The following HTR3D variants were observed in gnomAD, a reference collection of about 807,000 sequenced individuals.
The protein encoded by HTR3D is 5-hydroxytryptamine receptor 3D.
Under a neutral mutation model 45.8 loss-of-function variants are expected in HTR3D, and 47 were observed. That is an observed-to-expected ratio of 1.03 (90% CI 0.81 to 1.31). The LOEUF (loss-of-function observed/expected upper bound fraction) is 1.31, where lower values mean the gene tolerates loss of function less well. Among genes scored for constraint, HTR3D ranks in the 50% most tolerant of loss-of-function variants. The pLI, the probability that HTR3D is intolerant of heterozygous loss-of-function variation, is 0.00. For synonymous variants in HTR3D, 203 were observed against 199.8 expected, an observed-to-expected ratio of 1.02 and a Z score of -0.13; for missense variants, 448 against 506.9, an observed-to-expected ratio of 0.88 and a Z score of 1.12.
At position 184,038,080 on chromosome 3, in the gene HTR3D, T is replaced by C; in HGVS notation, c.576T>C (p.Ser192=). The change falls in exon 6 of 8, where the codon AGT becomes AGC. Residue 192 remains serine (S), a synonymous_variant. Coordinates refer to ENST00000428798, the MANE Select transcript of HTR3D (RefSeq NM_001145143.1). The surrounding 1 kb of genome is among the most constrained non-coding windows in gnomAD (Gnocchi z 4.5). ...SPYVVNFLVP[S]GILIAIDALS... ...ACGTGGTAAACTTTCTGGTGCCCAGTGGCATTCTGATTGCCATCGATGCCC... is the reference window on the plus strand; with the variant it reads ...ACGTGGTAAACTTTCTGGTGCCCAGCGGCATTCTGATTGCCATCGATGCCC... The C allele has an allele frequency of 1.2e-6, 2 of 1,614,142 alleles. No individual in the cohort carries two copies. Among genetic ancestry groups the C allele is most frequent in the African/African-American group, 2.7e-5 (2 of 75,026 alleles).
intron 4 of HTR3D, 46 bp from the exon 5 acceptor site, chr3:184,036,701 TG>T (rs1450271479): frequency 1.9e-6 from 3 of 1,554,036 alleles, no homozygotes; most frequent in Non-Finnish European, 1.7e-6. Flanking sequence ...TGGGCGCATT[TG>T]GGGAGGCTGA....
chr3:184,031,884 T>C, intron 1 of HTR3D, 77 bp downstream of exon 1: 3 of 1,013,000 alleles, frequency 3.0e-6, no homozygotes, highest in Non-Finnish European at 4.6e-6. Context: ...ATATTTTTTA[T>C]TCTGAGATAG....
chr3:184,037,039 T>C, intron 5 of HTR3D, 143 bp downstream of exon 5: 1 of 610,066 alleles, frequency 1.6e-6, no homozygotes, highest in Non-Finnish European at 2.6e-6. Context: ...TTGTCACTCT[T>C]TTTTTTTTTT....
intron 5 of HTR3D, 75 bp from the exon 6 acceptor site, chr3:184,037,946 C>T (rs1722954536): frequency 6.4e-7 from 1 of 1,553,658 alleles, no homozygotes; most frequent in South Asian, 1.2e-5. Context: ...GGGACAAATC[C>T]CAGTTCTTAC....
rs926622209 is a variant in HTR3D at position 184,032,917 on chromosome 3, C to A, written c.66+1110C>A. 1.9e-5 allele frequency: 29 copies of A among 1,552,508 alleles called. No homozygotes were observed. The African/African-American group carries it at 3.7e-4, about 20-fold the overall frequency. Reference sequence around the variant, plus strand: ...CAGGAAATGGCGACACTTTGATTATCAATTGCCCAGGCTTTGGCCAGCACA... The same window carrying A: ...CAGGAAATGGCGACACTTTGATTATAAATTGCCCAGGCTTTGGCCAGCACA... On this transcript the variant is annotated intron_variant, in intron 1 of 7. Transcript: ENST00000428798.
intron 1 of HTR3D, among the ~76,000 whole-genome samples, chr3:184,033,919 A>AAAAAC (rs547802836): frequency 1.5e-3 from 231 of 152,346 alleles, no homozygotes; most frequent in African/African-American, 5.2e-3. Flanking sequence ...TCTGTCTCAA[A>AAAAAC]AAAACAAAAC....
At position 184,036,489 on chromosome 3, in the gene HTR3D, C is replaced by CCCTGT; in HGVS notation, c.315_316insGTCCT (p.Ser106ValfsTer19). 1 of 1,614,220 alleles carries CCCTGT rather than the reference C, an allele frequency of 6.2e-7. No homozygotes were observed. Among genetic ancestry groups the CCCTGT allele is most frequent in the East Asian group, 2.2e-5 (1 of 44,888 alleles). On this transcript the variant is annotated frameshift_variant, in exon 4 of 8. Transcript: ENST00000428798. LOFTEE classifies it high-confidence loss of function. The stretch of plus-strand genomic sequence containing the variant: ...CTGCAAACTGGACACCTTCTATTTC[C>CCCTGT]CCTTCCATGGACAGAGGTGAACGCT...
At chr3:184,036,150 G>C (rs1722881882) in intron 3 of HTR3D, 50 bp downstream of exon 3, 2 of 1,527,486 alleles carry the variant, frequency 1.3e-6, no homozygotes. Context: ...TACAGGGAAG[G>C]ACACAATGTT....
Position 184,031,800 on chromosome 3 carries a change from T to A in HTR3D, c.59T>A (p.Leu20Gln). The change falls in exon 1 of 8, where the codon CTG becomes CAG. Residue 20 changes from leucine to glutamine, a missense_variant. Coordinates refer to ENST00000428798, the MANE Select transcript of HTR3D (RefSeq NM_001145143.1). ...CTCCTTGGCTTCATCCTCCACCTGC[T>A]GCTGCAAGTACCTTAAGATAAGAGC... Reference protein sequence around the residue: ...GFLLGFILHLLLQDSHLQLVT... With the variant: ...GFLLGFILHLQLQDSHLQLVT... 1 of 1,550,912 alleles carries A rather than the reference T, an allele frequency of 6.4e-7. No homozygotes were observed. The highest frequency in any genetic ancestry group is 8.7e-7 in the Non-Finnish European group (1 of 1,146,356).
chr3:184,035,497 T>G (rs1722859990), intron 2 of HTR3D, among the ~76,000 whole-genome samples: 1 of 152,136 alleles, frequency 6.6e-6, no homozygotes, highest in South Asian at 2.1e-4. Context: ...AAGCTCAAGC[T>G]CAAGCTCTGT....
chr3:184,036,277 G>C, intron 3 of HTR3D, 98 bp from the exon 4 acceptor site: 1 of 1,523,850 alleles, frequency 6.6e-7, no homozygotes, highest in South Asian at 1.3e-5. Context: ...AGTGGGGCTG[G>C]AGCTCGAGAA....
In HTR3D at chr3:184,037,549, G is replaced by A. The variant is rs573894762; in HGVS notation, c.517-472G>A. Among the ~76,000 whole-genome samples the A allele has an allele frequency of 3.9e-5, 6 of 152,298 alleles. No individual in the cohort carries two copies. In the South Asian group the frequency reaches 1.2e-3, roughly 32 times the overall value. On this transcript the variant is annotated intron_variant, in intron 5 of 7. Coordinates refer to ENST00000428798, the MANE Select transcript of HTR3D (RefSeq NM_001145143.1). ...TATTTTTAAAAAGATATGGTAGAAA[G>A]AGTTAGGAAACACTGCCTTAGGGAT...
At position 184,038,311 on chromosome 3, in the gene HTR3D, G is replaced by A; in HGVS notation, c.769+38G>A. On this transcript the variant is annotated intron_variant, in intron 6 of 7. Coordinates refer to ENST00000428798, the MANE Select transcript of HTR3D (RefSeq NM_001145143.1). This position sits in a 1 kb window ranked among gnomAD's most constrained non-coding sequence, Gnocchi z 4.5. ...TGGGGAGAGGGATGGGCAGAACCAG[G>A]CGAAGTGAAAAGGGATCCTGGAAAA... 6.2e-7 allele frequency: 1 copy of A among 1,612,484 alleles called. No individual in the cohort carries two copies. The highest frequency in any genetic ancestry group is 8.5e-7 in the Non-Finnish European group (1 of 1,178,672).
chr3:184,036,069 C>A lies in HTR3D; in HGVS notation c.166C>A (p.Leu56Ile). 1.3e-6 allele frequency: 2 copies of A among 1,551,588 alleles called. No individual in the cohort carries two copies. The highest frequency in any genetic ancestry group is 1.7e-6 in the Non-Finnish European group (2 of 1,146,966). ...GAAGTCCGGCATGGCAACTGAGAAC[C>A]TATGGCTTTCAGATGTCTTCATCGA... The part of the protein sequence containing the change: ...IKKSGMATEN[L>I]WLSDVFIEES... Residue 56 changes from leucine (L) to isoleucine (I), a missense_variant, in exon 3 of 8, where the codon CTA (leucine) becomes ATA (isoleucine). Transcript: ENST00000428798.
At chr3:184,033,754 T>C (rs531472017) in intron 1 of HTR3D, among the ~76,000 whole-genome samples, 1 of 152,008 alleles carries the variant, frequency 6.6e-6, no homozygotes, top group South Asian at 2.1e-4. Flanking sequence ...CCATCTCTAC[T>C]AAAAATACAA....
In HTR3D at chr3:184,038,012, C is replaced by T. The variant is rs1161764626; in HGVS notation, c.517-9C>T. The T allele has an allele frequency of 1.2e-6, 2 of 1,612,530 alleles. No homozygotes were observed. The highest frequency in any genetic ancestry group is 2.2e-5 in the East Asian group (1 of 44,860). ...CTTCTCACTTGCCCCTCCTTCTCCTCCCCACCAGGTGGCCATCAGGCGCAG... is the reference window on the plus strand; with the variant it reads ...CTTCTCACTTGCCCCTCCTTCTCCTTCCCACCAGGTGGCCATCAGGCGCAG... On this transcript the variant is annotated splice_polypyrimidine_tract_variant and intron_variant, in intron 5 of 7. Transcript: ENST00000428798. This position sits in a 1 kb window ranked among gnomAD's most constrained non-coding sequence, Gnocchi z 4.5.
At chr3:184,032,935 C>A in intron 1 of HTR3D, 1 of 1,552,704 alleles carries the variant, frequency 6.4e-7, no homozygotes, top group Non-Finnish European at 8.7e-7. Context: ...CAGGCTTTGG[C>A]CAGCACAGGG....
Position 184,038,188 on chromosome 3 carries a change from C to G in HTR3D, c.684C>G (p.Leu228=). Residue 228 remains leucine (L), a synonymous_variant, in exon 6 of 8, where the codon CTC becomes CTG. Coordinates refer to ENST00000428798, the MANE Select transcript of HTR3D (RefSeq NM_001145143.1). The surrounding 1 kb of genome is among the most constrained non-coding windows in gnomAD (Gnocchi z 4.5). ...TGCTGGGCTACAGCGTCTTCCTGCT[C>G]ATGATGAATGACTTGCTCCCAGCCA... The part of the protein sequence containing the change: ...TVLLGYSVFL[L]MMNDLLPATS... 6.2e-7 allele frequency: 1 copy of G among 1,614,188 alleles called. No individual in the cohort carries two copies. Among genetic ancestry groups the G allele is most frequent in the Non-Finnish European group, 8.5e-7 (1 of 1,180,014 alleles).
chr3:184,031,857 G>A, intron 1 of HTR3D, 50 bp downstream of exon 1: 1 of 1,335,612 alleles, frequency 7.5e-7, no homozygotes, highest in Non-Finnish European at 1.1e-6. Context: ...CTCCTGGGAA[G>A]CAGAGAAAAC....
Sources: gnomAD v4.1 joint callset for allele counts (sites outside exome capture counted in the v4.1 genomes callset) on GRCh38, gnomAD v4.1.1 for gene constraint, Gnocchi (gnomAD v3.1) non-coding constraint, MANE v1.5 for transcripts, NCBI Gene and HGNC (gene_info 2026-07-23, HGNC 2026-07-21) for gene names.